SIPA1L2: variants seen among roughly 807,000 people sequenced by gnomAD.
The protein encoded by SIPA1L2 is signal induced proliferation associated 1 like 2.
A neutral mutation model predicts 163.9 loss-of-function variants in SIPA1L2; 56 were observed. The ratio of observed to expected loss-of-function variants is 0.34; its 90% CI spans 0.28 to 0.43. The LOEUF (loss-of-function observed/expected upper bound fraction) is 0.43, where lower values mean the gene tolerates loss of function less well. Ranked by LOEUF, SIPA1L2 falls within the 20% of genes least tolerant of loss-of-function variation. The pLI is 1.00. For missense variants in SIPA1L2, 1,974 were observed against 2,193.5 expected (o/e 0.90, Z 2.00); for synonymous variants, 877 against 865.7 (o/e 1.01, Z -0.23).
intron 6 of SIPA1L2, among the ~76,000 whole-genome samples, chr1:232,480,617 C>G (rs1388142730): frequency 6.6e-6 from 1 of 152,118 alleles, no homozygotes; most frequent in African/African-American, 2.4e-5. Context: ...TTCTGAATGA[C>G]TTTTTGCACA....
At position 232,460,972 on chromosome 1, in the gene SIPA1L2, G is replaced by C; in HGVS notation, c.3010C>G (p.His1004Asp). 1 of 1,614,262 alleles carries C rather than the reference G, an allele frequency of 6.2e-7. No homozygotes were observed. The highest frequency in any genetic ancestry group is 8.5e-7 in the Non-Finnish European group (1 of 1,180,042). ...CGGAGCAGGTCGATCATCTGCTCGT[G>C]GGTCAGAGTGGCCACGGCTACTTTG... is the stretch of plus-strand genomic sequence containing the variant. ...ICKVAVATLTHEQMIDLLRTS... is the reference protein window; with the variant it reads ...ICKVAVATLTDEQMIDLLRTS... Residue 1004 changes from histidine to aspartate, a missense_variant, in exon 10 of 23, where the codon CAC becomes GAC. Physicochemically the swap from His to Asp is moderately conservative, Grantham distance 81. Coordinates refer to ENST00000674635, the MANE Select transcript of SIPA1L2 (RefSeq NM_020808.5).
In SIPA1L2 at chr1:232,461,072, A is replaced by G. The variant is rs749781329; in HGVS notation, c.2910T>C (p.Ile970=). 22 of 1,614,152 alleles carry G rather than the reference A, an allele frequency of 1.4e-5. No individual in the cohort carries two copies. The highest frequency in any genetic ancestry group is 2.7e-5 in the African/African-American group (2 of 74,948). The change falls in exon 10 of 23, where the codon ATT becomes ATC. Residue 970 remains isoleucine, a synonymous_variant. Coordinates refer to ENST00000674635, the MANE Select transcript of SIPA1L2 (RefSeq NM_020808.5). ...QLGFHVNFEG[I]VADVEPFGFA... is the part of the protein sequence containing the mutation. ...AGCCAAAAGGTTCCACATCTGCGAC[A>G]ATTCCTTCAAAATTCACATGGAAGC...
At chr1:232,418,328 TC>T (rs1262541307) in intron 18 of SIPA1L2, among the ~76,000 whole-genome samples, 2 of 152,182 alleles carry the variant, frequency 1.3e-5, no homozygotes, top group Non-Finnish European at 2.9e-5. Context: ...TGCTTCCCCT[TC>T]CCCTGGTCCC....
At chr1:232,467,531 A>C (rs74569591) in intron 8 of SIPA1L2, among the ~76,000 whole-genome samples, 2 of 152,254 alleles carry the variant, frequency 1.3e-5, no homozygotes, top group East Asian at 3.9e-4. Context: ...TGGACTTGTG[A>C]TTAGTCTAAC....
chr1:232,474,265 A>C (rs188987415), intron 7 of SIPA1L2, among the ~76,000 whole-genome samples: 8 of 152,340 alleles, frequency 5.3e-5, no homozygotes, highest in African/African-American at 1.7e-4. Context: ...TGCAACAGTG[A>C]GTTAATAAAT....
In SIPA1L2 at chr1:232,445,554, C is replaced by T. The variant is rs1180437262; in HGVS notation, c.3328G>A (p.Asp1110Asn). 5 of 1,613,892 alleles carry T rather than the reference C, an allele frequency of 3.1e-6. No individual in the cohort carries two copies. The highest frequency in any genetic ancestry group is 1.1e-5 in the South Asian group (1 of 91,044). ...QAAIPRSTSF[D>N]RKLPDGTRSS... Reference sequence around the variant, plus strand: ...CTCGTGCCATCGGGCAGCTTCCGGTCGAAGGAGGTGCTTCGAGGAATGGCA... The same window carrying T: ...CTCGTGCCATCGGGCAGCTTCCGGTTGAAGGAGGTGCTTCGAGGAATGGCA... Residue 1110 changes from aspartate to asparagine, a missense_variant, in exon 11 of 23, where the codon GAC becomes AAC. Physicochemically the swap from Asp to Asn is conservative, Grantham distance 23. This residue lies in a region of SIPA1L2 where 1,079 missense variants were observed against 1,150.7 expected (regional missense o/e 0.94). Coordinates refer to ENST00000674635, the MANE Select transcript of SIPA1L2 (RefSeq NM_020808.5).
At chr1:232,531,806 C>A (rs929111961) in intron 2 of SIPA1L2, among the ~76,000 whole-genome samples, 6 of 152,006 alleles carry the variant, frequency 3.9e-5, no homozygotes, top group African/African-American at 1.4e-4. Context: ...CGGAAGGGTA[C>A]GGTGGCTAAG....
At chr1:232,570,509 T>C (rs1026168567) in intron 2 of SIPA1L2, among the ~76,000 whole-genome samples, 2 of 152,206 alleles carry the variant, frequency 1.3e-5, no homozygotes, top group African/African-American at 2.4e-5. Flanking sequence ...ACCAAAGCAA[T>C]TGAACTTCAT....
intron 4 of SIPA1L2, among the ~76,000 whole-genome samples, chr1:232,492,493 G>A (rs769308455): frequency 6.6e-6 from 1 of 152,164 alleles, no homozygotes; most frequent in African/African-American, 2.4e-5. Context: ...CAATAGGCAT[G>A]TGTCACCATG....
intron 1 of SIPA1L2, among the ~76,000 whole-genome samples, chr1:232,587,858 G>T (rs1660752869): frequency 6.6e-6 from 1 of 152,102 alleles, no homozygotes. Context: ...AAGATCTGAT[G>T]GTTTTAGAAG....
chr1:232,563,954 TTC>T (rs1558270683), intron 2 of SIPA1L2, among the ~76,000 whole-genome samples: 25 of 130,212 alleles, frequency 1.9e-4, no homozygotes, highest in African/African-American at 5.1e-4. Flanking sequence ...GTTTTTTTTT[TTC>T]GTGTGTGTGT....
chr1:232,623,402 G>C (rs189341561), intron 1 of SIPA1L2, among the ~76,000 whole-genome samples: 1 of 152,064 alleles, frequency 6.6e-6, no homozygotes, highest in African/African-American at 2.4e-5. Context: ...TCAGGAGATC[G>C]AGACCATCCT....
At chr1:232,547,876 CAG>C (rs1011888427) in intron 2 of SIPA1L2, among the ~76,000 whole-genome samples, 2 of 152,228 alleles carry the variant, frequency 1.3e-5, no homozygotes, top group Admixed American at 6.5e-5. Context: ...CCCTAACCTG[CAG>C]AGTGTGGCTG....
intron 2 of SIPA1L2, among the ~76,000 whole-genome samples, chr1:232,519,500 T>C (rs544573388): frequency 1.3e-5 from 2 of 152,304 alleles, no homozygotes; most frequent in Admixed American, 1.3e-4. Flanking sequence ...CACCTCAGCT[T>C]CGTGTCCGAG....
At chr1:232,449,390 C>T (rs1051677494) in intron 10 of SIPA1L2, among the ~76,000 whole-genome samples, 1 of 151,726 alleles carries the variant, frequency 6.6e-6, no homozygotes, top group Non-Finnish European at 1.5e-5. Flanking sequence ...CGGTGGTGGG[C>T]GTCTGTGGTC....
intron 14 of SIPA1L2, among the ~76,000 whole-genome samples, chr1:232,440,137 T>A (rs985868680): frequency 6.6e-6 from 1 of 152,096 alleles, no homozygotes. Flanking sequence ...TGAGAGTAAA[T>A]AGGTCTGAAA....
Position 232,514,062 on chromosome 1 carries a change from G to A in SIPA1L2, c.1278C>T (p.Leu426=), listed in dbSNP as rs1379598667. Residue 426 remains leucine, a synonymous_variant, in exon 3 of 23, where the codon CTC becomes CTT. Coordinates refer to ENST00000674635, the MANE Select transcript of SIPA1L2 (RefSeq NM_020808.5). ...TGGEGDRRIA[L]SRANSSSFSS... is the part of the protein sequence containing the mutation. ...TGAAAGAGGATGAGTTGGCTCGAGA[G>A]AGCGCAATCCGCCTGTCGCCTTCCC... 3 of 1,614,210 alleles carry A rather than the reference G, an allele frequency of 1.9e-6. No homozygotes were observed. The South Asian group carries it at 3.3e-5, about 18-fold the overall frequency.
At position 232,412,740 on chromosome 1, in the gene SIPA1L2, G is replaced by A. The variant is rs10910433; in HGVS notation, c.4762+2754C>T. 0.034 allele frequency among the ~76,000 whole-genome samples: 5,241 copies of A among 152,186 alleles called. 736 individuals carry two copies. The East Asian group carries it at 0.48, about 14-fold the overall frequency. On this transcript the variant is annotated intron_variant, in intron 19 of 22. Transcript: ENST00000674635. ...ACCAAATTTTCATAAGCTGGCTACTGTCTCACCATGACATGCCACCCTATG... is the reference window on the plus strand; with the variant it reads ...ACCAAATTTTCATAAGCTGGCTACTATCTCACCATGACATGCCACCCTATG...
intron 16 of SIPA1L2, among the ~76,000 whole-genome samples, chr1:232,430,857 A>G (rs1009161405): frequency 6.6e-6 from 1 of 152,184 alleles, no homozygotes; most frequent in African/African-American, 2.4e-5. Flanking sequence ...TTGCCCTTCC[A>G]TACCACAGGG....
Sources: allele counts gnomAD v4.1 joint callset (sites outside exome capture counted in the v4.1 genomes callset), GRCh38; gene constraint gnomAD v4.1.1; regional missense constraint gnomAD v4.1.1; transcripts MANE v1.5; gene names NCBI Gene and HGNC (gene_info 2026-07-23, HGNC 2026-07-21).